The following STAU1 variants were observed in gnomAD, a reference collection of about 807,000 sequenced individuals.
The protein encoded by STAU1 is staufen double-stranded RNA binding protein 1, also known as double-stranded RNA-binding protein Staufen homolog 1.
In STAU1, 13 loss-of-function variants were observed where a neutral mutation model predicts 62.9. The observed-to-expected ratio is 0.21, with a 90% CI of 0.13 to 0.33. STAU1 has a LOEUF of 0.33. Ranked by LOEUF, STAU1 falls within the 10% of genes least tolerant of loss-of-function variation. The pLI is 1.00. For missense variants in STAU1, 571 were observed against 712.1 expected, an observed-to-expected ratio of 0.80 and a Z score of 2.25; for synonymous variants, 269 against 265.1, an observed-to-expected ratio of 1.01 and a Z score of -0.14.
At position 49,117,046 on chromosome 20, in the gene STAU1, C is replaced by A; in HGVS notation, c.1632+80G>T. 1 of 1,555,522 alleles carries A rather than the reference C, an allele frequency of 6.4e-7. No individual in the cohort carries two copies. The highest frequency in any genetic ancestry group is 8.8e-7 in the Non-Finnish European group (1 of 1,142,778). ...GGGACAATCTTTCTCCCATCTTCCT[C>A]AGGCTAGTAACAAGCTGAACCAAGG... On this transcript the variant is annotated intron_variant, in intron 12 of 13. Transcript: ENST00000371856. The surrounding 1 kb of genome is among the most constrained non-coding windows in gnomAD (Gnocchi z 4.6).
intron 5 of STAU1, among the ~76,000 whole-genome samples, chr20:49,146,638 GGCTGCAGTGAGCCT>G (rs2093137697): frequency 1.3e-5 from 2 of 152,022 alleles, no homozygotes; most frequent in South Asian, 4.2e-4. Context: ...GGGAGGTCAA[GGCTGCAGTGAGCCT>G]GCATGGAGGG....
chr20:49,120,005 G>A lies in STAU1; in HGVS notation c.1090C>T (p.Pro364Ser). Residue 364 changes from proline to serine, a missense_variant, in exon 9 of 14, where the codon CCC (proline) becomes TCC (serine). Coordinates refer to ENST00000371856, the MANE Select transcript of STAU1 (RefSeq NM_017453.4). The part of the protein sequence containing the change: ...FKVPQAQPTK[P>S]ALKSEEKTPI... ...ACCTTCTCCTCTGACTTGAGTGCGG[G>A]TTTGGTGGGCTGCGCCTGCGGGACT... The A allele has an allele frequency of 3.1e-6, 5 of 1,614,152 alleles. 1 individual carries two copies. Among genetic ancestry groups the A allele is most frequent in the Non-Finnish European group, 4.2e-6 (5 of 1,180,022 alleles).
intron 3 of STAU1, among the ~76,000 whole-genome samples, chr20:49,165,537 T>C (rs1331997905): frequency 6.6e-6 from 1 of 151,428 alleles, no homozygotes; most frequent in African/African-American, 2.4e-5. Context: ...GGTTTCACCA[T>C]GTTGGCCAGG....
intron 5 of STAU1, among the ~76,000 whole-genome samples, chr20:49,141,426 C>T (rs6063361): frequency 0.38 from 58,289 of 151,944 alleles, 11,274 homozygotes; most frequent in Middle Eastern, 0.48. Flanking sequence ...TTAATCTCTA[C>T]AAAAAAATTT....
chr20:49,165,420 C>A (rs903509120), intron 3 of STAU1, among the ~76,000 whole-genome samples: 2 of 152,118 alleles, frequency 1.3e-5, no homozygotes, highest in Admixed American at 1.3e-4. Context: ...CTCACTGCAA[C>A]CTCCACCTCC....
chr20:49,146,639 G>C (rs1254880018), intron 5 of STAU1, among the ~76,000 whole-genome samples: 3 of 151,514 alleles, frequency 2.0e-5, no homozygotes, highest in African/African-American at 7.3e-5. Context: ...GGAGGTCAAG[G>C]CTGCAGTGAG....
intron 5 of STAU1, among the ~76,000 whole-genome samples, chr20:49,136,430 G>C (rs1224556414): frequency 6.6e-6 from 1 of 152,162 alleles, no homozygotes. Context: ...AAAGATACAT[G>C]TCCTGTCAAG....
intron 8 of STAU1, among the ~76,000 whole-genome samples, chr20:49,120,396 C>A (rs2092439063): frequency 6.6e-6 from 1 of 152,182 alleles, no homozygotes; most frequent in Non-Finnish European, 1.5e-5. Context: ...ATTTTATAAT[C>A]ATCTGTGTTC....
chr20:49,146,824 G>A (rs1464863314), intron 5 of STAU1, among the ~76,000 whole-genome samples: 5 of 151,494 alleles, frequency 3.3e-5, no homozygotes, highest in Non-Finnish European at 5.9e-5. Flanking sequence ...CTGCCTATAT[G>A]AGATATCTCA....
chr20:49,216,225 T>TC, the STAU1 span, among the ~76,000 whole-genome samples: 1 of 148,874 alleles, frequency 6.7e-6, no homozygotes. Context: ...CCCTTATATC[T>TC]TAAAAAAAAA....
At chr20:49,197,301 T>A in the STAU1 span, among the ~76,000 whole-genome samples, 1 of 149,300 alleles carries the variant, frequency 6.7e-6, no homozygotes, top group African/African-American at 2.4e-5. Context: ...ATAAAGAGAA[T>A]GAAAAAGCAA....
chr20:49,198,637 C>T, the STAU1 span, among the ~76,000 whole-genome samples: 1 of 151,742 alleles, frequency 6.6e-6, no homozygotes, highest in African/African-American at 2.4e-5. Context: ...CAAGACTAGC[C>T]TGGCCCACAT....
rs2092821824 is a variant in STAU1, at chr20:49,134,372, A to G, written c.609+1461T>C. On this transcript the variant is annotated intron_variant, in intron 6 of 13. Transcript: ENST00000371856. The stretch of plus-strand genomic sequence containing the variant: ...CTTGAATCTGGGAGGTGGAGGTTGC[A>G]GTGAGCCGAGAACACACCATTGCAC... The G allele has an allele frequency of 4.4e-6, 2 of 456,082 alleles. 1 individual carries two copies. The highest frequency in any genetic ancestry group is 4.3e-5 in the South Asian group (2 of 46,238). The allele number at this position is 456,082 out of a possible 1,614,324, so 28.3% of individuals were successfully genotyped here.
chr20:49,210,485 T>C, the STAU1 span: 1 of 456,010 alleles, frequency 2.2e-6, no homozygotes, highest in Non-Finnish European at 4.4e-6. Context: ...TTTTTCCTCC[T>C]TCTCCTCCTT....
intron 6 of STAU1, among the ~76,000 whole-genome samples, chr20:49,134,019 G>C (rs972797920): frequency 2.0e-5 from 3 of 152,136 alleles, no homozygotes; most frequent in Admixed American, 6.6e-5. Flanking sequence ...TATTTTACAG[G>C]AATATAAGCT....
chr20:49,213,160 C>A, the STAU1 span, among the ~76,000 whole-genome samples: 34 of 152,116 alleles, frequency 2.2e-4, no homozygotes, highest in African/African-American at 7.7e-4. Flanking sequence ...CGCACACTAC[C>A]ATGTTTGGCT....
intron 5 of STAU1, among the ~76,000 whole-genome samples, chr20:49,140,982 TAAA>T (rs35880692): frequency 3.8e-5 from 5 of 131,528 alleles, no homozygotes; most frequent in Admixed American, 1.6e-4. Flanking sequence ...ATGATCTGTT[TAAA>T]AAAAAAAAAA....
At chr20:49,149,251 A>AACACACAC (rs34854738) in intron 5 of STAU1, among the ~76,000 whole-genome samples, 7,869 of 131,870 alleles carry the variant, frequency 0.06, 282 homozygotes, top group East Asian at 0.13. Context: ...ACTGTCTCAA[A>AACACACAC]ACACACACAC....
intron 8 of STAU1, among the ~76,000 whole-genome samples, chr20:49,121,356 C>G (rs6063356): frequency 1.3e-5 from 2 of 151,894 alleles, no homozygotes; most frequent in East Asian, 1.9e-4. Flanking sequence ...TGCAGTGAGC[C>G]GAGATCACAC....
Sources: gnomAD v4.1 joint callset for allele counts (sites outside exome capture counted in the v4.1 genomes callset) on GRCh38, gnomAD v4.1.1 for gene constraint, Gnocchi (gnomAD v3.1) non-coding constraint, MANE v1.5 for transcripts, NCBI Gene and HGNC (gene_info 2026-07-23, HGNC 2026-07-21) for gene names.